Variants in CAMLG observed in about 807,000 individuals in gnomAD.
CAMLG encodes guided entry of tail-anchored proteins factor CAMLG.
In CAMLG, 23 loss-of-function variants were observed where a neutral mutation model predicts 28.9. That is an observed-to-expected ratio of 0.80 (90% confidence interval 0.57 to 1.13). The LOEUF (loss-of-function observed/expected upper bound fraction) is 1.13. CAMLG is among the 50% of genes most tolerant of loss of function. The pLI is 0.00. For synonymous variants in CAMLG, 141 were observed against 146.5 expected (o/e 0.96, Z 0.27); for missense variants, 367 against 371.9 (o/e 0.99, Z 0.11).
chr5:134,746,282 C>A (rs760752636), intron 3 of CAMLG, among the ~76,000 whole-genome samples: 11 of 151,356 alleles, frequency 7.3e-5, no homozygotes, highest in Non-Finnish European at 1.5e-4. Flanking sequence ...ATACTAATTT[C>A]TTTTTGAAAA....
At chr5:134,750,686 T>C in intron 3 of CAMLG, 73 bp from the exon 4 acceptor site, 7 of 1,012,528 alleles carry the variant, frequency 6.9e-6, no homozygotes, top group Non-Finnish European at 1.0e-5. Context: ...ACAGCAGTAC[T>C]GATCATGTTT....
At chr5:134,743,951 G>C (rs753648107) in intron 2 of CAMLG, 36 bp from the exon 3 acceptor site, 1 of 929,410 alleles carries the variant, frequency 1.1e-6, no homozygotes, top group Non-Finnish European at 1.7e-6. Context: ...GAATGATTAT[G>C]TTGGAAATAT....
chr5:134,750,489 G>T (rs1056177508), intron 3 of CAMLG, among the ~76,000 whole-genome samples: 1 of 151,528 alleles, frequency 6.6e-6, no homozygotes, highest in South Asian at 2.1e-4. Flanking sequence ...AGTGAGCCGA[G>T]ATCGTGCCAT....
chr5:134,745,195 A>C (rs949655322), intron 3 of CAMLG, among the ~76,000 whole-genome samples: 9 of 144,768 alleles, frequency 6.2e-5, no homozygotes, highest in African/African-American at 2.3e-4. Context: ...CCCAGCACTT[A>C]GGGAGGCTGA....
chr5:134,744,440 C>G (rs1392932597), intron 3 of CAMLG, among the ~76,000 whole-genome samples: 1 of 151,124 alleles, frequency 6.6e-6, no homozygotes, highest in Non-Finnish European at 1.5e-5. Flanking sequence ...AGGAGAGTTG[C>G]TCCAACCCAG....
chr5:134,740,685 C>T (rs1554144251), intron 1 of CAMLG, among the ~76,000 whole-genome samples: 1 of 152,118 alleles, frequency 6.6e-6, no homozygotes, highest in Non-Finnish European at 1.5e-5. Flanking sequence ...AACCTCCTCC[C>T]CCCGGGTTTC....
intron 3 of CAMLG, among the ~76,000 whole-genome samples, chr5:134,748,989 G>A (rs1753082209): frequency 6.6e-6 from 1 of 151,298 alleles, no homozygotes; most frequent in Non-Finnish European, 1.5e-5. Flanking sequence ...CAGTTTTGGG[G>A]TTATTATGAC....
At chr5:134,745,661 G>A (rs1753038609) in intron 3 of CAMLG, among the ~76,000 whole-genome samples, 1 of 150,554 alleles carries the variant, frequency 6.6e-6, no homozygotes, top group African/African-American at 2.4e-5. Context: ...CTGAGGCAGG[G>A]AGAATCACTT....
intron 1 of CAMLG, among the ~76,000 whole-genome samples, chr5:134,739,066 AG>A (rs1453899514): frequency 6.6e-6 from 1 of 151,842 alleles, no homozygotes; most frequent in Non-Finnish European, 1.5e-5. Flanking sequence ...TACGTTGAAC[AG>A]CCCCTTTTTT....
intron 2 of CAMLG, among the ~76,000 whole-genome samples, chr5:134,742,540 TAATATA>T (rs1752997769): frequency 6.6e-6 from 1 of 152,218 alleles, no homozygotes; most frequent in Non-Finnish European, 1.5e-5. Flanking sequence ...CAGCATTTCC[TAATATA>T]TCATAATGAG....
In CAMLG at chr5:134,751,031, T is replaced by C. The variant is rs1263454024; in HGVS notation, c.*81T>C. On this transcript the variant is annotated 3_prime_UTR_variant, in exon 4 of 4. Coordinates refer to ENST00000297156, the MANE Select transcript of CAMLG (RefSeq NM_001745.4). ...TTGCAGTGTCTCTAAAGGAGGCAAA[T>C]TGGTTTACACCTTCATGTAATTCTT... The C allele has an allele frequency of 6.9e-6, 7 of 1,011,866 alleles. No homozygotes were observed. The highest frequency in any genetic ancestry group is 4.8e-5 in the Admixed American group (2 of 41,772). 62.7% of individuals were successfully genotyped at this position (1,011,866 alleles called of 1,614,324 possible). A position where few individuals can be genotyped will look rare whatever the true frequency, so the allele number is the denominator to read the frequency against.
At chr5:134,747,500 C>T (rs947988793) in intron 3 of CAMLG, among the ~76,000 whole-genome samples, 4 of 152,040 alleles carry the variant, frequency 2.6e-5, no homozygotes, top group African/African-American at 7.2e-5. Flanking sequence ...CCCGCCATCA[C>T]GGCCGGCTAA....
At chr5:134,746,814 G>A (rs1227673701) in intron 3 of CAMLG, among the ~76,000 whole-genome samples, 2 of 151,254 alleles carry the variant, frequency 1.3e-5, no homozygotes, top group Non-Finnish European at 1.5e-5. Context: ...TTGGCCAGGC[G>A]TGGTGCCTCA....
chr5:134,742,912 G>A (rs987465700), intron 2 of CAMLG, among the ~76,000 whole-genome samples: 1 of 152,028 alleles, frequency 6.6e-6, no homozygotes, highest in Non-Finnish European at 1.5e-5. Context: ...CTAATTTTTT[G>A]TATTTTTAGT....
intron 3 of CAMLG, among the ~76,000 whole-genome samples, chr5:134,749,601 G>A (rs1753089631): frequency 6.6e-6 from 1 of 152,156 alleles, no homozygotes; most frequent in Admixed American, 6.6e-5. Flanking sequence ...ATAAGTCTGT[G>A]ACAAATTACT....
At chr5:134,746,225 T>C (rs958283769) in intron 3 of CAMLG, among the ~76,000 whole-genome samples, 2 of 144,966 alleles carry the variant, frequency 1.4e-5, no homozygotes, top group African/African-American at 5.0e-5. Context: ...CTCCAAGAAA[T>C]ATTAAGAGAA....
At chr5:134,743,735 G>A (rs531888721) in intron 2 of CAMLG, among the ~76,000 whole-genome samples, 100 of 151,924 alleles carry the variant, frequency 6.6e-4, no homozygotes, top group Middle Eastern at 3.4e-3. Context: ...GTGTGGTGGC[G>A]GGCGCCTGTA....
Position 134,741,238 on chromosome 5 carries a change from G to T in CAMLG, c.348G>T (p.Ser116=). 1.2e-6 allele frequency: 2 copies of T among 1,614,182 alleles called. No individual in the cohort carries two copies. The highest frequency in any genetic ancestry group is 1.3e-5 in the African/African-American group (1 of 75,044). Residue 116 remains serine, a synonymous_variant, in exon 2 of 4, where the codon TCG becomes TCT. Transcript: ENST00000297156. The part of the protein sequence containing the change: ...KGTQLGDKLD[S]FIKPPECSSD... ...CCCAACTGGGAGACAAATTGGACTCGTTCATTAAACCACCTGAGTGCAGTA... is the reference window on the plus strand; with the variant it reads ...CCCAACTGGGAGACAAATTGGACTCTTTCATTAAACCACCTGAGTGCAGTA...
intron 1 of CAMLG, 43 bp from the exon 2 acceptor site, chr5:134,741,020 A>C: frequency 7.5e-7 from 1 of 1,337,220 alleles, no homozygotes; most frequent in East Asian, 2.3e-5. Context: ...GGTGTTTGCC[A>C]GTATGGAATA....
Sources: gnomAD v4.1 joint callset for allele counts (sites outside exome capture counted in the v4.1 genomes callset) on GRCh38, gnomAD v4.1.1 for gene constraint, MANE v1.5 for transcripts, NCBI Gene and HGNC (gene_info 2026-07-23, HGNC 2026-07-21) for gene names.